Variants in SCG5 observed in about 807,000 individuals in gnomAD.
The protein encoded by SCG5 is neuroendocrine protein 7B2.
A neutral mutation model predicts 25.7 loss-of-function variants in SCG5; 18 were observed. That is an observed-to-expected ratio of 0.70 (90% CI 0.48 to 1.04). The LOEUF is 1.04. Ranked by LOEUF, SCG5 falls within the 50% of genes least tolerant of loss-of-function variation. The pLI, the probability that SCG5 is intolerant of heterozygous loss-of-function variation, is 0.00. For synonymous variants in SCG5, 101 were observed against 91.7 expected, an observed-to-expected ratio of 1.10 and a Z score of -0.58; for missense variants, 206 against 259.8, an observed-to-expected ratio of 0.79 and a Z score of 1.42.
chr15:32,651,442 C>T (rs1212481705), intron 2 of SCG5, among the ~76,000 whole-genome samples: 1 of 152,202 alleles, frequency 6.6e-6, no homozygotes, highest in Non-Finnish European at 1.5e-5. Flanking sequence ...CAGTTGCTTC[C>T]CATTTGAGGA....
chr15:32,690,926 C>A (rs1462405234), intron 4 of SCG5, among the ~76,000 whole-genome samples: 2 of 150,968 alleles, frequency 1.3e-5, no homozygotes, highest in Admixed American at 1.3e-4. Flanking sequence ...AGTAAAGCCC[C>A]CCCCCACCGC....
intron 3 of SCG5, among the ~76,000 whole-genome samples, chr15:32,680,532 CT>C (rs1296477597): frequency 3.3e-5 from 5 of 151,894 alleles, no homozygotes; most frequent in South Asian, 2.1e-4. Context: ...AGGGGAAACA[CT>C]TTTTTTTCCT....
intron 2 of SCG5, among the ~76,000 whole-genome samples, chr15:32,658,641 C>T (rs1237927551): frequency 6.6e-6 from 1 of 152,202 alleles, no homozygotes; most frequent in East Asian, 1.9e-4. Flanking sequence ...AAGCTCCAGC[C>T]TCCCTTCTGC....
intron 2 of SCG5, among the ~76,000 whole-genome samples, chr15:32,647,325 C>A (rs552373285): frequency 1.3e-5 from 2 of 152,186 alleles, no homozygotes; most frequent in South Asian, 4.1e-4. Context: ...CTGCCCAACA[C>A]ATGGTACATA....
intron 3 of SCG5, among the ~76,000 whole-genome samples, chr15:32,683,971 G>T (rs1489941507): frequency 6.6e-6 from 1 of 152,218 alleles, no homozygotes; most frequent in African/African-American, 2.4e-5. Context: ...TAAAAACATT[G>T]TATGGCTCAA....
rs138779867 is a variant in SCG5 at position 32,667,921 on chromosome 15, C to T, written c.227-11845C>T. ...AACTCCTGACCTCAAGTGATCCACCCGCTTCGGCCTCCCAAACTTCTGGGA... is the reference window on the plus strand; with the variant it reads ...AACTCCTGACCTCAAGTGATCCACCTGCTTCGGCCTCCCAAACTTCTGGGA... On this transcript the variant is annotated intron_variant, in intron 2 of 5. Coordinates refer to ENST00000300175, the MANE Select transcript of SCG5 (RefSeq NM_001144757.3). Among the ~76,000 whole-genome samples the T allele has an allele frequency of 5.8e-3, 885 of 152,258 alleles. 9 individuals are homozygous for T. The highest frequency in any genetic ancestry group is 0.02 in the African/African-American group (838 of 41,554).
chr15:32,659,044 C>T (rs373581413), intron 2 of SCG5, among the ~76,000 whole-genome samples: 117 of 152,138 alleles, frequency 7.7e-4, no homozygotes, highest in African/African-American at 2.5e-3. Flanking sequence ...GGCATGGTGG[C>T]GGGCACCTGT....
intron 2 of SCG5, among the ~76,000 whole-genome samples, chr15:32,660,511 A>G (rs2054198776): frequency 6.6e-6 from 1 of 152,238 alleles, no homozygotes; most frequent in South Asian, 2.1e-4. Flanking sequence ...ATGGAGAAGC[A>G]GTAAGAGTGA....
intron 2 of SCG5, among the ~76,000 whole-genome samples, chr15:32,658,069 G>A (rs551729788): frequency 6.6e-6 from 1 of 152,292 alleles, no homozygotes; most frequent in African/African-American, 2.4e-5. Context: ...ACACAACAAA[G>A]ATTAGGAGTA....
intron 2 of SCG5, among the ~76,000 whole-genome samples, chr15:32,656,568 T>C (rs1236782867): frequency 6.6e-6 from 1 of 152,216 alleles, no homozygotes; most frequent in Non-Finnish European, 1.5e-5. Context: ...TTTAAATGTA[T>C]CTCCCCATCC....
At chr15:32,674,101 C>T (rs185082925) in intron 2 of SCG5, among the ~76,000 whole-genome samples, 1 of 152,300 alleles carries the variant, frequency 6.6e-6, no homozygotes, top group African/African-American at 2.4e-5. Context: ...TTGATATTCC[C>T]AGTAATAGTC....
At chr15:32,650,399 C>T (rs1303327732) in intron 2 of SCG5, among the ~76,000 whole-genome samples, 3 of 152,218 alleles carry the variant, frequency 2.0e-5, no homozygotes, top group African/African-American at 4.8e-5. Flanking sequence ...CCACGCCCGG[C>T]GCCCCAGTCT....
intron 2 of SCG5, among the ~76,000 whole-genome samples, chr15:32,645,820 A>AT (rs1168304416): frequency 2.6e-5 from 4 of 151,654 alleles, no homozygotes; most frequent in Admixed American, 6.6e-5. Context: ...TAACATAGCA[A>AT]TTTTTTTTTC....
chr15:32,644,140 A>C (rs1362002090), intron 2 of SCG5, among the ~76,000 whole-genome samples: 2 of 152,214 alleles, frequency 1.3e-5, no homozygotes, highest in African/African-American at 4.8e-5. Flanking sequence ...TGTTTGTTGA[A>C]TGAATGAAGG....
chr15:32,677,530 T>C (rs2054551409), intron 2 of SCG5: 1 of 152,216 alleles, frequency 6.6e-6, no homozygotes, highest in Non-Finnish European at 1.5e-5. Context: ...CAAGGGAGCC[T>C]CATTCAACTA....
intron 2 of SCG5, among the ~76,000 whole-genome samples, chr15:32,644,562 GTTTA>G (rs1256588386): frequency 6.6e-6 from 1 of 152,134 alleles, no homozygotes; most frequent in Non-Finnish European, 1.5e-5. Context: ...TTAATGATTT[GTTTA>G]TAAAGAGAAT....
chr15:32,642,510 G>A (rs1458396836), intron 1 of SCG5, among the ~76,000 whole-genome samples: 1 of 135,544 alleles, frequency 7.4e-6, no homozygotes, highest in Non-Finnish European at 1.5e-5. Flanking sequence ...GGAGGTTGCA[G>A]TGAGTCGAGA....
chr15:32,645,963 C>T (rs986498051), intron 2 of SCG5, among the ~76,000 whole-genome samples: 16 of 152,034 alleles, frequency 1.1e-4, no homozygotes, highest in Non-Finnish European at 7.4e-5. Flanking sequence ...TGTTTACAGG[C>T]GCCCGCCACC....
chr15:32,642,270 A>G (rs1567066424), intron 1 of SCG5, among the ~76,000 whole-genome samples: 1 of 151,906 alleles, frequency 6.6e-6, no homozygotes, highest in Non-Finnish European at 1.5e-5. Context: ...GAATGATTAG[A>G]AGGAGGGTTT....
Sources: gnomAD v4.1 joint callset for allele counts (sites outside exome capture counted in the v4.1 genomes callset) on GRCh38, gnomAD v4.1.1 for gene constraint, MANE v1.5 for transcripts, NCBI Gene and HGNC (gene_info 2026-07-23, HGNC 2026-07-21) for gene names.